UNC5D: variants seen among roughly 807,000 people sequenced by gnomAD.
The protein encoded by UNC5D is netrin receptor UNC5D.
UNC5D carries 39 observed loss-of-function variants against 105.4 expected under a neutral mutation model. That is an observed-to-expected ratio of 0.37 (90% CI 0.29 to 0.48). The LOEUF (loss-of-function observed/expected upper bound fraction) is 0.48, where lower values mean the gene tolerates loss of function less well. UNC5D is among the 20% of genes least tolerant of loss of function. The pLI, the probability that UNC5D is intolerant of heterozygous loss-of-function variation, is 0.98. For synonymous variants in UNC5D, 452 were observed against 450.4 expected, an observed-to-expected ratio of 1.00 and a Z score of -0.04; for missense variants, 991 against 1,202.4, an observed-to-expected ratio of 0.82 and a Z score of 2.60.
At chr8:35,348,965 G>A (rs1812009869) in intron 1 of UNC5D, among the ~76,000 whole-genome samples, 1 of 151,760 alleles carries the variant, frequency 6.6e-6, no homozygotes, top group Non-Finnish European at 1.5e-5. Context: ...CACAAACAGT[G>A]TATTATCAAA....
At chr8:35,261,310 T>G (rs796111564) in intron 1 of UNC5D, among the ~76,000 whole-genome samples, 3 of 152,202 alleles carry the variant, frequency 2.0e-5, no homozygotes, top group African/African-American at 7.2e-5. Flanking sequence ...GCACAATTGA[T>G]GTTTCTTTCC....
chr8:35,255,424 C>T (rs1398985961), intron 1 of UNC5D: 1 of 152,104 alleles, frequency 6.6e-6, no homozygotes, highest in Non-Finnish European at 1.5e-5. Context: ...TTAAGAGACA[C>T]AAACCAACAT....
chr8:35,652,342 G>A (rs931374658), intron 4 of UNC5D, among the ~76,000 whole-genome samples: 2 of 152,056 alleles, frequency 1.3e-5, no homozygotes, highest in African/African-American at 4.8e-5. Context: ...CCATCCATGT[G>A]TCAATTGCTA....
chr8:35,552,421 A>G (rs867182661), intron 2 of UNC5D, among the ~76,000 whole-genome samples: 1 of 152,172 alleles, frequency 6.6e-6, no homozygotes, highest in Admixed American at 6.5e-5. Context: ...TGACATAAGG[A>G]TGGATTGAAG....
At chr8:35,264,000 T>A (rs1288406689) in intron 1 of UNC5D, among the ~76,000 whole-genome samples, 1 of 152,380 alleles carries the variant, frequency 6.6e-6, no homozygotes, top group African/African-American at 2.4e-5. Context: ...TTTAATACAT[T>A]TCTTAGAAAA....
intron 1 of UNC5D, among the ~76,000 whole-genome samples, chr8:35,494,820 C>A (rs1191007132): frequency 6.6e-6 from 1 of 151,996 alleles, no homozygotes; most frequent in Admixed American, 6.6e-5. Flanking sequence ...TTAATTCTAT[C>A]GTGTGAAAAA....
At chr8:35,611,847 T>C (rs960593678) in intron 4 of UNC5D, among the ~76,000 whole-genome samples, 1 of 152,220 alleles carries the variant, frequency 6.6e-6, no homozygotes, top group Non-Finnish European at 1.5e-5. Flanking sequence ...GGAAAATCTA[T>C]CTTTCATAAA....
Position 35,792,905 on chromosome 8 carries a change from GATTATTTTAA to G in UNC5D, c.*2343_*2352del. On this transcript the variant is annotated 3_prime_UTR_variant, in exon 17 of 17. Coordinates refer to ENST00000404895, the MANE Select transcript of UNC5D (RefSeq NM_080872.4). ...AATGATTTTCCCTCAAATCTATCTAGATTATTTTAAGATGAGACAAGATTATTGTCAATCC... is the reference window on the plus strand; with the variant it reads ...AATGATTTTCCCTCAAATCTATCTAGGATGAGACAAGATTATTGTCAATCC... 1 of 408,662 alleles carries G rather than the reference GATTATTTTAA, an allele frequency of 2.4e-6. No homozygotes were observed. Among genetic ancestry groups the G allele is most frequent in the South Asian group, 1.8e-5 (1 of 55,190 alleles). The allele number at this position is 408,662 out of a possible 1,614,324, so 25.3% of individuals were successfully genotyped here. A position where few individuals can be genotyped will look rare whatever the true frequency, so the allele number is the denominator to read the frequency against.
In UNC5D at chr8:35,790,749, T is replaced by C; in HGVS notation, c.*186T>C. ...CATGTTAATAGGGAAGAGTACAAGCTCTCTTACATATAAGAGGGCTCTACT... is the reference window on the plus strand; with the variant it reads ...CATGTTAATAGGGAAGAGTACAAGCCCTCTTACATATAAGAGGGCTCTACT... On this transcript the variant is annotated 3_prime_UTR_variant, in exon 17 of 17. Coordinates refer to ENST00000404895, the MANE Select transcript of UNC5D (RefSeq NM_080872.4). 1.6e-6 allele frequency: 1 copy of C among 633,010 alleles called. No homozygotes were observed. Among genetic ancestry groups the C allele is most frequent in the Non-Finnish European group, 2.7e-6 (1 of 367,292 alleles). 39.2% of individuals were successfully genotyped at this position (633,010 alleles called of 1,614,324 possible).
At chr8:35,612,255 C>T (rs1820733061) in intron 4 of UNC5D, among the ~76,000 whole-genome samples, 1 of 152,166 alleles carries the variant, frequency 6.6e-6, no homozygotes, top group African/African-American at 2.4e-5. Context: ...TTTGTCAATG[C>T]AGTACAGATA....
At chr8:35,536,053 C>T (rs1814809955) in intron 1 of UNC5D, among the ~76,000 whole-genome samples, 1 of 152,198 alleles carries the variant, frequency 6.6e-6, no homozygotes, top group Admixed American at 6.5e-5. Context: ...ATTTCTTTCC[C>T]TGTAGCAGAT....
chr8:35,374,348 TAATGAG>T (rs1050191778), intron 1 of UNC5D, among the ~76,000 whole-genome samples: 5 of 152,168 alleles, frequency 3.3e-5, no homozygotes, highest in African/African-American at 1.2e-4. Flanking sequence ...AAAGAAATGT[TAATGAG>T]AATGAGTTTT....
At chr8:35,584,638 T>C (rs896570542) in intron 3 of UNC5D, among the ~76,000 whole-genome samples, 13 of 151,670 alleles carry the variant, frequency 8.6e-5, no homozygotes, top group African/African-American at 2.9e-4. Flanking sequence ...TTTTGAGAGA[T>C]GAGGGTCTCA....
chr8:35,348,686 AT>A, intron 1 of UNC5D, among the ~76,000 whole-genome samples: 1 of 152,010 alleles, frequency 6.6e-6, no homozygotes. Context: ...AAGAGGAATG[AT>A]TTTTCCTACT....
At chr8:35,530,025 A>T (rs1814221563) in intron 1 of UNC5D, among the ~76,000 whole-genome samples, 1 of 150,260 alleles carries the variant, frequency 6.7e-6, no homozygotes, top group Admixed American at 6.6e-5. Flanking sequence ...TTCCTAATTG[A>T]ATACCCTTTA....
chr8:35,726,312 G>A lies in UNC5D; in HGVS notation c.1464G>A (p.Ser488=), dbSNP rs141547604. 181 of 1,614,030 alleles carry A rather than the reference G, an allele frequency of 1.1e-4. No individual in the cohort carries two copies. In the African/African-American group the frequency reaches 1.4e-3, roughly 12 times the overall value. Residue 488 remains serine (S), a synonymous_variant, in exon 10 of 17, where the codon TCG becomes TCA. Transcript: ENST00000404895. ...LSDIKVKVQS[S]FMVSLGVSER... ...ACATCAAAGTGAAAGTCCAGAGCTC[G>A]TTCATGGTTTCCCTGGGAGTGTCTG... is the stretch of plus-strand genomic sequence containing the variant.
chr8:35,728,095 A>AAAAAAAAAATATATAT (rs34672872), intron 10 of UNC5D, among the ~76,000 whole-genome samples: 4 of 110,362 alleles, frequency 3.6e-5, no homozygotes, highest in African/African-American at 2.2e-4. Flanking sequence ...AAAAAAAAAA[A>AAAAAAAAAATATATAT]ATATATATAT....
intron 4 of UNC5D, among the ~76,000 whole-genome samples, chr8:35,680,119 C>A (rs1243875005): frequency 1.3e-5 from 2 of 152,076 alleles, no homozygotes; most frequent in Non-Finnish European, 2.9e-5. Flanking sequence ...TCTGTAAGAC[C>A]CAGCCTTTCA....
chr8:35,440,939 C>T (rs1305885168), intron 1 of UNC5D, among the ~76,000 whole-genome samples: 1 of 151,794 alleles, frequency 6.6e-6, no homozygotes, highest in Non-Finnish European at 1.5e-5. Flanking sequence ...AGGGTAGGGA[C>T]CAGACTGTAT....
Sources: allele counts gnomAD v4.1 joint callset (sites outside exome capture counted in the v4.1 genomes callset), GRCh38; gene constraint gnomAD v4.1.1; transcripts MANE v1.5; gene names NCBI Gene and HGNC (gene_info 2026-07-23, HGNC 2026-07-21).